MEIKIN: variants seen among roughly 807,000 people sequenced by gnomAD.
The protein encoded by MEIKIN is meiosis-specific kinetochore protein.
intron 12 of MEIKIN, among the ~76,000 whole-genome samples, chr5:131,810,884 T>C (rs1772940628): frequency 6.6e-6 from 1 of 152,184 alleles, no homozygotes; most frequent in Non-Finnish European, 1.5e-5. Flanking sequence ...AATTCAAAAG[T>C]GAATTTCACC....
intron 12 of MEIKIN, among the ~76,000 whole-genome samples, chr5:131,812,513 G>T (rs1773015375): frequency 6.6e-6 from 1 of 152,202 alleles, no homozygotes. Flanking sequence ...TTAAGGCGAA[G>T]AATTAGGTAT....
intron 11 of MEIKIN, among the ~76,000 whole-genome samples, chr5:131,829,013 C>T (rs1749664239): frequency 6.6e-6 from 1 of 151,840 alleles, no homozygotes; most frequent in Non-Finnish European, 1.5e-5. Context: ...AGGAAAAAGT[C>T]AATAAAAATA....
intron 8 of MEIKIN, among the ~76,000 whole-genome samples, chr5:131,887,194 G>T (rs1301857295): frequency 6.6e-6 from 1 of 151,990 alleles, no homozygotes; most frequent in Non-Finnish European, 1.5e-5. Context: ...GTATTCCATG[G>T]GGTATATGTG....
intron 11 of MEIKIN, among the ~76,000 whole-genome samples, chr5:131,829,745 A>G (rs571490905): frequency 6.6e-6 from 1 of 152,338 alleles, no homozygotes; most frequent in Non-Finnish European, 1.5e-5. Context: ...GATCACAAAG[A>G]CAAAGGGGGA....
intron 8 of MEIKIN, among the ~76,000 whole-genome samples, chr5:131,893,604 C>A (rs1385285996): frequency 2.0e-5 from 3 of 152,198 alleles, no homozygotes; most frequent in South Asian, 2.1e-4. Flanking sequence ...TGTCCTGCAC[C>A]CACTTTCCAG....
At chr5:131,837,469 T>A (rs13356733) in intron 11 of MEIKIN, among the ~76,000 whole-genome samples, 11,494 of 152,230 alleles carry the variant, frequency 0.076, 902 homozygotes, top group African/African-American at 0.2. Context: ...GTTAACGATG[T>A]TGATTCTTTC....
At chr5:131,890,060 G>A (rs1750880870) in intron 8 of MEIKIN, among the ~76,000 whole-genome samples, 2 of 152,176 alleles carry the variant, frequency 1.3e-5, no homozygotes, top group Non-Finnish European at 2.9e-5. Flanking sequence ...CAGGGATGAA[G>A]CCCACTTGAT....
chr5:131,907,009 CTAAAA>C (rs1751253960), intron 8 of MEIKIN, among the ~76,000 whole-genome samples: 2 of 152,038 alleles, frequency 1.3e-5, no homozygotes, highest in African/African-American at 4.8e-5. Flanking sequence ...ACACCTGAAT[CTAAAA>C]TAAAAGATAA....
At chr5:131,863,557 C>CCTTT (rs1491364068) in intron 9 of MEIKIN, among the ~76,000 whole-genome samples, 1 of 68,434 alleles carries the variant, frequency 1.5e-5, no homozygotes, top group African/African-American at 7.8e-5. Flanking sequence ...CTTCTTTGTC[C>CCTTT]TTTTTTTTTT....
chr5:131,813,648 C>T (rs1007968201), intron 12 of MEIKIN, among the ~76,000 whole-genome samples: 2 of 151,878 alleles, frequency 1.3e-5, no homozygotes, highest in African/African-American at 2.4e-5. Flanking sequence ...AGGACGGTCT[C>T]GATCTCCTGA....
intron 3 of MEIKIN, among the ~76,000 whole-genome samples, chr5:131,943,353 A>T (rs1244435557): frequency 6.6e-6 from 1 of 152,220 alleles, no homozygotes; most frequent in Admixed American, 6.5e-5. Flanking sequence ...GAATAAAAAA[A>T]CTTGAAACAT....
chr5:131,872,582 T>C (rs1213338987), intron 9 of MEIKIN, among the ~76,000 whole-genome samples: 2 of 152,136 alleles, frequency 1.3e-5, no homozygotes, highest in Non-Finnish European at 2.9e-5. Flanking sequence ...CTGCAGGATA[T>C]TATCCAGGAG....
chr5:131,851,283 T>C lies in MEIKIN; in HGVS notation c.956A>G (p.Gln319Arg), dbSNP rs188361956. 4.1e-4 allele frequency: 165 copies of C among 398,206 alleles called. 1 individual carries two copies. The East Asian group carries it at 5.9e-3, about 14-fold the overall frequency. 24.7% of individuals were successfully genotyped at this position (398,206 alleles called of 1,614,324 possible). ...SNEIVPVSSL[Q>R]ENSSNEFPAN... ...TACTACCTCATTTGAAGAATTTTCC[T>C]GCAAACTTGACACAGGAACAATTTC... Residue 319 changes from glutamine (Q) to arginine (R), a missense_variant, in exon 11 of 13, where the codon CAG becomes CGG. Gln to Arg is a conservative substitution (Grantham distance 43, BLOSUM62 1). Coordinates refer to ENST00000442687, the MANE Select transcript of MEIKIN (RefSeq NM_001303622.2).
chr5:131,808,583 G>A (rs1256884447), intron 12 of MEIKIN, among the ~76,000 whole-genome samples: 4 of 152,090 alleles, frequency 2.6e-5, no homozygotes, highest in African/African-American at 4.8e-5. Flanking sequence ...TCCCTGAGGC[G>A]ATTACTTGGG....
Position 131,919,321 on chromosome 5 carries a change from T to C in MEIKIN, c.599-2396A>G, listed in dbSNP as rs1472746933. Among the ~76,000 whole-genome samples, 8 of 152,170 alleles carry C rather than the reference T, an allele frequency of 5.3e-5. No homozygotes were observed. The East Asian group carries it at 1.3e-3, about 26-fold the overall frequency. ...ATCCTTCTGGAGGAAAATTTGGCAA[T>C]ATCCAATAAAATGATATATGCACTT... is the stretch of plus-strand genomic sequence containing the variant. On this transcript the variant is annotated intron_variant, in intron 6 of 12. Transcript: ENST00000442687.
rs142331370 is a variant in MEIKIN, at chr5:131,909,956, G to A, written c.703+1859C>T. On this transcript the variant is annotated intron_variant, in intron 8 of 12. Transcript: ENST00000442687. ...AGGATGTGGAGAAAAGGGAACCCTC[G>A]TATACTGTTGGTGGGAATGTACATT... Among the ~76,000 whole-genome samples, 15 of 152,046 alleles carry A rather than the reference G, an allele frequency of 9.9e-5. No individual in the cohort carries two copies. The East Asian group carries it at 1.2e-3, about 12-fold the overall frequency.
At chr5:131,828,519 T>C (rs1749654507) in intron 11 of MEIKIN, among the ~76,000 whole-genome samples, 1 of 151,912 alleles carries the variant, frequency 6.6e-6, no homozygotes, top group African/African-American at 2.4e-5. Flanking sequence ...TAGAACAAAA[T>C]GACAAAAGGT....
chr5:131,881,089 A>C (rs1204015055), intron 8 of MEIKIN, among the ~76,000 whole-genome samples: 1 of 152,196 alleles, frequency 6.6e-6, no homozygotes. Flanking sequence ...AGGAGATAAA[A>C]CTAATACCAA....
chr5:131,896,214 C>A (rs560310149), intron 8 of MEIKIN, among the ~76,000 whole-genome samples: 1 of 152,182 alleles, frequency 6.6e-6, no homozygotes, highest in Non-Finnish European at 1.5e-5. Flanking sequence ...GTTTCTTAAT[C>A]ATGAGTTCTA....
Sources: gnomAD v4.1 joint callset for allele counts (sites outside exome capture counted in the v4.1 genomes callset) on GRCh38, gnomAD v4.1.1 for gene constraint, MANE v1.5 for transcripts, NCBI Gene and HGNC (gene_info 2026-07-23, HGNC 2026-07-21) for gene names.